UBE2W: variants seen among roughly 807,000 people sequenced by gnomAD.
UBE2W encodes the protein ubiquitin conjugating enzyme E2 W, also known as ubiquitin-conjugating enzyme E2 W.
UBE2W carries 18 observed loss-of-function variants against 27.2 expected under a neutral mutation model. That is an observed-to-expected ratio of 0.66 (90% confidence interval 0.46 to 0.98). The LOEUF is 0.98. UBE2W is among the 50% of genes least tolerant of loss of function. UBE2W has a pLI of 0.00. For missense variants in UBE2W, 90 were observed against 180.2 expected (o/e 0.50, Z 2.87); for synonymous variants, 53 against 57.2 (o/e 0.93, Z 0.33).
At chr8:73,819,331 T>G (rs1809516290) in intron 3 of UBE2W, among the ~76,000 whole-genome samples, 2 of 152,186 alleles carry the variant, frequency 1.3e-5, no homozygotes, top group Non-Finnish European at 1.5e-5. Context: ...GCTGTTGCAG[T>G]TTTGGTCATC....
intron 5 of UBE2W, 83 bp downstream of exon 5, chr8:73,805,565 CTCT>C (rs1051699934): frequency 4.6e-6 from 3 of 651,484 alleles, no homozygotes; most frequent in South Asian, 4.4e-5. Context: ...ATTATAGCTT[CTCT>C]TCTTTTTCCC....
chr8:73,844,663 A>G (rs1810695215), intron 1 of UBE2W, among the ~76,000 whole-genome samples: 1 of 146,332 alleles, frequency 6.8e-6, no homozygotes, highest in Non-Finnish European at 1.5e-5. Context: ...GGAAGTCACA[A>G]GCGCCTCTTC....
At chr8:73,805,453 T>A (rs1485295790) in intron 5 of UBE2W, among the ~76,000 whole-genome samples, 198 bp downstream of exon 5, 1 of 706 alleles carries the variant, frequency 1.4e-3, no homozygotes, top group Non-Finnish European at 2.5e-3. Context: ...AAACTCCATC[T>A]CAAAAAAAAA....
In UBE2W at chr8:73,850,725, T is replaced by TAAA. The variant is rs11318665; in HGVS notation, c.16-20256_16-20254dup. On this transcript the variant is annotated intron_variant, in intron 1 of 5. Transcript: ENST00000602593. Reference sequence around the variant, plus strand: ...TAGTGAGGTACAATCAGCAGGACATTAAAAAAAAAAAAAAAAAAAAAAAAA... The same window carrying TAAA: ...TAGTGAGGTACAATCAGCAGGACATTAAAAAAAAAAAAAAAAAAAAAAAAAAAA... Among the ~76,000 whole-genome samples, 38 of 63,592 alleles carry TAAA rather than the reference T, an allele frequency of 6.0e-4. 1 individual carries two copies. Among genetic ancestry groups the TAAA allele is most frequent in the African/African-American group, 1.0e-3 (18 of 17,724 alleles). The allele number at this position is 63,592 out of a possible 152,430, so 41.7% of individuals were successfully genotyped here.
chr8:73,792,519 CA>C lies in UBE2W; in HGVS notation c.*1582del. On this transcript the variant is annotated 3_prime_UTR_variant, in exon 6 of 6. Transcript: ENST00000602593. ...AAAACAATTTTAAAATATTATTTAC[CA>C]ATTATTGATTGAATGGTTTTACTGG... 1 of 985,166 alleles carries C rather than the reference CA, an allele frequency of 1.0e-6. No homozygotes were observed. Among genetic ancestry groups the C allele is most frequent in the Non-Finnish European group, 1.2e-6 (1 of 829,574 alleles). 61.0% of individuals were successfully genotyped at this position (985,166 alleles called of 1,614,324 possible).
rs1808284450 is a variant in UBE2W, at chr8:73,793,434, CCT to C, written c.*666_*667del. The C allele has an allele frequency of 1.0e-6, 1 of 985,678 alleles. No individual in the cohort carries two copies. Among genetic ancestry groups the C allele is most frequent in the African/African-American group, 1.7e-5 (1 of 57,224 alleles). The allele number at this position is 985,678 out of a possible 1,614,324, so 61.1% of individuals were successfully genotyped here. On this transcript the variant is annotated 3_prime_UTR_variant, in exon 6 of 6. Coordinates refer to ENST00000602593, the MANE Select transcript of UBE2W (RefSeq NM_018299.6). ...TTCACCATAGGGATAACATACTGTACCTCTCTGCCAATGTTACTTGAAAATCT... is the reference window on the plus strand; with the variant it reads ...TTCACCATAGGGATAACATACTGTACCTCTGCCAATGTTACTTGAAAATCT...
chr8:73,815,994 G>A (rs1586470455), intron 3 of UBE2W, among the ~76,000 whole-genome samples: 1 of 152,132 alleles, frequency 6.6e-6, no homozygotes. Context: ...TACAATATAG[G>A]TAGTCTACCA....
chr8:73,827,118 G>A (rs1291166812), intron 2 of UBE2W, among the ~76,000 whole-genome samples: 6 of 152,144 alleles, frequency 3.9e-5, no homozygotes, highest in African/African-American at 1.4e-4. Flanking sequence ...AAAATAAAGA[G>A]CTAAGCAAGT....
At chr8:73,840,887 G>C (rs181795719) in intron 1 of UBE2W, among the ~76,000 whole-genome samples, 171 of 152,268 alleles carry the variant, frequency 1.1e-3, no homozygotes, top group Non-Finnish European at 1.7e-3. Context: ...AAATTAAGGG[G>C]ATGGGGGAGG....
intron 3 of UBE2W, 96 bp from the exon 4 acceptor site, chr8:73,810,725 C>CA (rs941811311): frequency 1.4e-5 from 14 of 975,104 alleles, no homozygotes; most frequent in East Asian, 3.1e-5. Flanking sequence ...TATAAAAAAA[C>CA]AAAAAACCAC....
downstream of UBE2W, among the ~76,000 whole-genome samples, chr8:73,784,738 C>G (rs1369739372): frequency 1.3e-5 from 2 of 152,004 alleles, no homozygotes; most frequent in Non-Finnish European, 2.9e-5. Flanking sequence ...TGAAGTAGAC[C>G]TACTGGGTCT....
intron 1 of UBE2W, among the ~76,000 whole-genome samples, chr8:73,866,290 A>AAAATATATAT (rs1248216873): frequency 1.2e-4 from 5 of 43,090 alleles, no homozygotes; most frequent in African/African-American, 4.0e-4. Context: ...AAAAAAAAAA[A>AAAATATATAT]ATATATATAT....
chr8:73,876,358 T>C (rs1197698463), intron 1 of UBE2W, among the ~76,000 whole-genome samples: 1 of 152,162 alleles, frequency 6.6e-6, no homozygotes, highest in Admixed American at 6.6e-5. Context: ...AGATACAGAA[T>C]AACCACACAG....
At chr8:73,859,451 A>G (rs1586535813) in intron 1 of UBE2W, among the ~76,000 whole-genome samples, 1 of 152,350 alleles carries the variant, frequency 6.6e-6, no homozygotes, top group East Asian at 1.9e-4. Flanking sequence ...GGCTGCAGTG[A>G]GCTGAGATTG....
chr8:73,805,453 T>TCAAAAAAAAAAAAAAAA (rs1424133843), intron 5 of UBE2W, among the ~76,000 whole-genome samples, 198 bp downstream of exon 5: 39 of 708 alleles, frequency 0.055, 4 homozygotes, highest in Non-Finnish European at 0.076. Context: ...AAACTCCATC[T>TCAAAAAAAAAAAAAAAA]CAAAAAAAAA....
intron 1 of UBE2W, among the ~76,000 whole-genome samples, chr8:73,842,250 C>T (rs1421946049): frequency 2.0e-5 from 3 of 151,944 alleles, no homozygotes; most frequent in Non-Finnish European, 4.4e-5. Context: ...GACGTGGGGC[C>T]GGGCACAGTG....
At chr8:73,828,529 A>C (rs1809943020) in intron 2 of UBE2W, among the ~76,000 whole-genome samples, 1 of 152,120 alleles carries the variant, frequency 6.6e-6, no homozygotes, top group Non-Finnish European at 1.5e-5. Context: ...CTTTTTCTAG[A>C]TCTGTTACTT....
At position 73,788,601 on chromosome 8, in the gene UBE2W, G is replaced by A. The variant is rs576018073; in HGVS notation, c.*5501C>T. On this transcript the variant is annotated 3_prime_UTR_variant, in exon 6 of 6. Transcript: ENST00000602593. ...ACCAAGTTCCTTATGGTAGATTTCA[G>A]GCTTTAAATTGTAAGTTTCAGGCTT... 4.1e-6 allele frequency: 4 copies of A among 985,388 alleles called. No individual in the cohort carries two copies. The East Asian group carries it at 4.5e-4, about 112-fold the overall frequency. The allele number at this position is 985,388 out of a possible 1,614,324, so 61.0% of individuals were successfully genotyped here.
intron 1 of UBE2W, among the ~76,000 whole-genome samples, chr8:73,837,611 A>T (rs1332446333): frequency 1.3e-5 from 2 of 152,240 alleles, no homozygotes; most frequent in Non-Finnish European, 2.9e-5. Context: ...AACTTTTTAA[A>T]ATTGATTTAA....
Sources: gnomAD v4.1 joint callset for allele counts (sites outside exome capture counted in the v4.1 genomes callset) on GRCh38, gnomAD v4.1.1 for gene constraint, MANE v1.5 for transcripts, NCBI Gene and HGNC (gene_info 2026-07-23, HGNC 2026-07-21) for gene names.